GHR: variants seen among roughly 807,000 people sequenced by gnomAD.
The protein encoded by GHR is growth hormone receptor.
GHR carries 35 observed loss-of-function variants against 67.1 expected under a neutral mutation model. That is an observed-to-expected ratio of 0.52 (90% CI 0.40 to 0.69). The LOEUF is 0.69. GHR is among the 30% of genes least tolerant of loss of function. GHR has a pLI of 0.00. For synonymous variants in GHR, 272 were observed against 269.1 expected (o/e 1.01, Z -0.10); for missense variants, 792 against 764.6 (o/e 1.04, Z -0.42).
chr5:42,537,112 G>A (rs895975017), intron 1 of GHR, among the ~76,000 whole-genome samples: 2 of 151,838 alleles, frequency 1.3e-5, no homozygotes, highest in African/African-American at 4.8e-5. Context: ...AAAATAACCA[G>A]CTTTTTGTTT....
rs948092597 is a variant in GHR, at chr5:42,609,630, T to A, written c.71-19408T>A. Among the ~76,000 whole-genome samples, 88 of 152,128 alleles carry A rather than the reference T, an allele frequency of 5.8e-4. 1 individual carries two copies. Among genetic ancestry groups the A allele is most frequent in the Non-Finnish European group, 1.6e-4 (11 of 68,026 alleles). ...AGGGCCAAAGATAAAGGATGAAGTG[T>A]CCTCATTGATTTCATAGACACAACC... On this transcript the variant is annotated intron_variant, in intron 2 of 9. Transcript: ENST00000230882.
chr5:42,715,313 C>T (rs1204379338), intron 8 of GHR, among the ~76,000 whole-genome samples: 1 of 152,182 alleles, frequency 6.6e-6, no homozygotes, highest in Non-Finnish European at 1.5e-5. Context: ...ATGGACAGAA[C>T]ATGTAGTTCC....
Position 42,456,260 on chromosome 5 carries a change from G to A in GHR, c.-12+32305G>A, listed in dbSNP as rs189407245. 7.6e-3 allele frequency among the ~76,000 whole-genome samples: 1,151 copies of A among 152,296 alleles called. 15 individuals are homozygous for A. The highest frequency in any genetic ancestry group is 0.026 in the African/African-American group (1,095 of 41,554). On this transcript the variant is annotated intron_variant, in intron 1 of 9. Coordinates refer to ENST00000230882, the MANE Select transcript of GHR (RefSeq NM_000163.5). ...TGGGAGGCGGAGGTGGCAGTGAGCC[G>A]AGATCGTGCCACTGCACTGCAGCCT...
intron 2 of GHR, among the ~76,000 whole-genome samples, chr5:42,621,355 A>G (rs191389394): frequency 6.6e-6 from 1 of 152,126 alleles, no homozygotes; most frequent in African/African-American, 2.4e-5. Context: ...TGGCCTTATT[A>G]TGCTAGGGAC....
chr5:42,434,850 A>G (rs1332081496), intron 1 of GHR, among the ~76,000 whole-genome samples: 2 of 152,222 alleles, frequency 1.3e-5, no homozygotes, highest in African/African-American at 4.8e-5. Flanking sequence ...GCCAAAGCTT[A>G]CAAATTGGTT....
intron 1 of GHR, chr5:42,467,221 G>A: frequency 6.7e-7 from 1 of 1,494,392 alleles, no homozygotes; most frequent in Non-Finnish European, 9.3e-7. Context: ...GCAGTCATAA[G>A]GTTTCTCTGC....
At chr5:42,638,998 T>C (rs1489631250) in intron 3 of GHR, among the ~76,000 whole-genome samples, 1 of 152,142 alleles carries the variant, frequency 6.6e-6, no homozygotes, top group Admixed American at 6.5e-5. Flanking sequence ...CTCACGACTG[T>C]AATAGTGTAA....
chr5:42,602,312 G>A lies in GHR; in HGVS notation c.71-26726G>A, dbSNP rs181669615. ...TGCTACTTTGTACCATTTGAACTAC[G>A]TTTTCACATCCCCTGTGAAAATGGG... On this transcript the variant is annotated intron_variant, in intron 2 of 9. Transcript: ENST00000230882. Among the ~76,000 whole-genome samples the A allele has an allele frequency of 3.9e-5, 6 of 152,114 alleles. No homozygotes were observed. In the East Asian group the frequency reaches 5.8e-4, roughly 15 times the overall value.
chr5:42,664,949 C>G (rs1456758047), intron 3 of GHR, among the ~76,000 whole-genome samples: 1 of 152,184 alleles, frequency 6.6e-6, no homozygotes, highest in East Asian at 1.9e-4. Flanking sequence ...TGAACAGACA[C>G]TTCTCAAAAG....
At chr5:42,562,287 T>G (rs1386089780) in intron 1 of GHR, among the ~76,000 whole-genome samples, 2 of 151,992 alleles carry the variant, frequency 1.3e-5, no homozygotes, top group Non-Finnish European at 1.5e-5. Context: ...TCCAGAGGAG[T>G]GCAGATGGGG....
chr5:42,474,337 GAAAAGAAAT>G (rs1745196088), intron 1 of GHR, among the ~76,000 whole-genome samples: 2 of 41,776 alleles, frequency 4.8e-5, no homozygotes, highest in African/African-American at 7.6e-5. Context: ...AAGAAAGAAA[GAAAAGAAAT>G]AAAGAAAGAA....
At chr5:42,656,941 T>G (rs965245248) in intron 3 of GHR, among the ~76,000 whole-genome samples, 5 of 152,164 alleles carry the variant, frequency 3.3e-5, no homozygotes, top group Admixed American at 6.5e-5. Flanking sequence ...TCAAAATGAT[T>G]CTTTTTTTCT....
chr5:42,560,001 T>C lies in GHR; in HGVS notation c.-11-5863T>C, dbSNP rs377671538. ...GATATAATTTCACAATATTTCTTAG[T>C]AATCAATGTTGGCATTTACTCTTCC... On this transcript the variant is annotated intron_variant, in intron 1 of 9. Coordinates refer to ENST00000230882, the MANE Select transcript of GHR (RefSeq NM_000163.5). Among the ~76,000 whole-genome samples, 69 of 152,344 alleles carry C rather than the reference T, an allele frequency of 4.5e-4. 2 individuals carry two copies. In the South Asian group the frequency reaches 0.011, roughly 23 times the overall value.
At chr5:42,607,121 T>G (rs941853522) in intron 2 of GHR, among the ~76,000 whole-genome samples, 1 of 152,160 alleles carries the variant, frequency 6.6e-6, no homozygotes, top group Non-Finnish European at 1.5e-5. Context: ...CCTGCCACCA[T>G]GTAAGATTTG....
intron 5 of GHR, among the ~76,000 whole-genome samples, chr5:42,699,597 A>C (rs1484590675): frequency 6.6e-6 from 1 of 152,198 alleles, no homozygotes. Context: ...TTACTCCAAA[A>C]GGAATTTTTG....
At chr5:42,510,458 G>A (rs1688411872) in intron 1 of GHR, among the ~76,000 whole-genome samples, 1 of 152,166 alleles carries the variant, frequency 6.6e-6, no homozygotes, top group African/African-American at 2.4e-5. Context: ...TTGGGCAGAT[G>A]TTTCTGCTAT....
Position 42,689,021 on chromosome 5 carries a change from T to C in GHR, c.266+2T>C, listed in dbSNP as rs1757295026. ...CATACAGCTGTTCTATACCAGAAGG[T>C]GCCACCATCATGCCTTTCTGATTTT... On this transcript the variant is annotated splice_donor_variant, in intron 4 of 9. Transcript: ENST00000230882. LOFTEE classifies it high-confidence loss of function. 6.2e-7 allele frequency: 1 copy of C among 1,613,402 alleles called. No individual in the cohort carries two copies. The highest frequency in any genetic ancestry group is 8.5e-7 in the Non-Finnish European group (1 of 1,179,320).
At chr5:42,678,404 A>G (rs1756673595) in intron 3 of GHR, among the ~76,000 whole-genome samples, 1 of 152,204 alleles carries the variant, frequency 6.6e-6, no homozygotes, top group Non-Finnish European at 1.5e-5. Flanking sequence ...TCACCATCAC[A>G]GTGGTGAATC....
chr5:42,589,128 C>G (rs1479048849), intron 2 of GHR, among the ~76,000 whole-genome samples: 1 of 152,164 alleles, frequency 6.6e-6, no homozygotes, highest in African/African-American at 2.4e-5. Flanking sequence ...TAGAAATAAT[C>G]TAACCATTCT....
Sources: gnomAD v4.1 joint callset for allele counts (sites outside exome capture counted in the v4.1 genomes callset) on GRCh38, gnomAD v4.1.1 for gene constraint, MANE v1.5 for transcripts, NCBI Gene and HGNC (gene_info 2026-07-23, HGNC 2026-07-21) for gene names.